The following VPS13B variants were observed in gnomAD, a reference collection of about 807,000 sequenced individuals.
The protein encoded by VPS13B is vacuolar protein sorting 13 homolog B, also known as intermembrane lipid transfer protein VPS13B.
A neutral mutation model predicts 426.4 loss-of-function variants in VPS13B; 285 were observed. That is an observed-to-expected ratio of 0.67 (90% confidence interval 0.61 to 0.74). The LOEUF (loss-of-function observed/expected upper bound fraction) is 0.74. Ranked by LOEUF, VPS13B falls within the 30% of genes least tolerant of loss-of-function variation. The pLI is 0.00. For synonymous variants in VPS13B, 1,676 were observed against 1,676.4 expected (o/e 1.00, Z 0.01); for missense variants, 4,537 against 4,782.6 (o/e 0.95, Z 1.51).
intron 21 of VPS13B, chr8:99,429,794 T>C (rs1399038428): frequency 1.3e-5 from 2 of 152,176 alleles, no homozygotes; most frequent in Non-Finnish European, 2.9e-5. Context: ...GCCAGAGAAG[T>C]TCTTTCAAAA....
intron 2 of VPS13B, among the ~76,000 whole-genome samples, chr8:99,027,247 G>A (rs1842186648): frequency 6.6e-6 from 1 of 151,576 alleles, no homozygotes; most frequent in Non-Finnish European, 1.5e-5. Context: ...TTTAATTTGG[G>A]GTTTTTATTT....
At chr8:99,423,744 G>A (rs1420337010) in intron 21 of VPS13B, among the ~76,000 whole-genome samples, 1 of 152,088 alleles carries the variant, frequency 6.6e-6, no homozygotes, top group Admixed American at 6.6e-5. Context: ...TGAAAAGTAT[G>A]TCTGGTTTGA....
chr8:99,683,561 C>T (rs765921439), intron 35 of VPS13B, among the ~76,000 whole-genome samples: 2 of 152,082 alleles, frequency 1.3e-5, no homozygotes, highest in Non-Finnish European at 2.9e-5. Flanking sequence ...GCATACAGAT[C>T]CTATGACCAT....
At chr8:99,536,683 C>T in intron 30 of VPS13B, 1 of 534,544 alleles carries the variant, frequency 1.9e-6, no homozygotes. Context: ...TGAAAAGAAT[C>T]CCTGTCCCAT....
At position 99,351,503 on chromosome 8, in the gene VPS13B, C is replaced by T. The variant is rs758164284; in HGVS notation, c.2825-32705C>T. Among the ~76,000 whole-genome samples, 5 of 150,314 alleles carry T rather than the reference C, an allele frequency of 3.3e-5. No homozygotes were observed. The East Asian group carries it at 7.8e-4, about 23-fold the overall frequency. On this transcript the variant is annotated intron_variant, in intron 19 of 61. Coordinates refer to ENST00000357162, the MANE Select transcript of VPS13B (RefSeq NM_152564.5). ...GTTTATTTTCATTTCTTGGTATCTT[C>T]GAATGTGTTCACCTTTCTTTCTGGA...
chr8:99,635,282 A>T (rs1223843535), intron 33 of VPS13B, among the ~76,000 whole-genome samples: 1 of 152,012 alleles, frequency 6.6e-6, no homozygotes, highest in Non-Finnish European at 1.5e-5. Flanking sequence ...GATCACAGTT[A>T]TATATAGATG....
intron 51 of VPS13B, among the ~76,000 whole-genome samples, chr8:99,828,106 C>T (rs1285741009): frequency 6.6e-6 from 1 of 152,144 alleles, no homozygotes; most frequent in Non-Finnish European, 1.5e-5. Context: ...TGGTCCAGAG[C>T]TGAGTTTAAG....
intron 39 of VPS13B, among the ~76,000 whole-genome samples, chr8:99,753,963 G>A (rs1172045097): frequency 6.6e-6 from 1 of 151,884 alleles, no homozygotes; most frequent in Non-Finnish European, 1.5e-5. Context: ...AATATTTCCT[G>A]TACAAAAATA....
rs138161484 is a variant in VPS13B at position 99,675,566 on chromosome 8, C to T, written c.6046+14075C>T. Among the ~76,000 whole-genome samples the T allele has an allele frequency of 3.3e-5, 5 of 152,238 alleles. No individual in the cohort carries two copies. The East Asian group carries it at 9.7e-4, about 29-fold the overall frequency. ...ACCCCTTTATCTATCTCTATTCTCT[C>T]TTGAATACCAGTGACCAAGAATTTA... On this transcript the variant is annotated intron_variant, in intron 35 of 61. Transcript: ENST00000357162.
rs150254716 is a variant in VPS13B, at chr8:99,062,055, G to A, written c.291+23489G>A. 6.3e-3 allele frequency among the ~76,000 whole-genome samples: 960 copies of A among 152,290 alleles called. 7 individuals are homozygous for A. Among genetic ancestry groups the A allele is most frequent in the African/African-American group, 0.022 (901 of 41,552 alleles). ...TTAAGTCGAAGCTCATGTCTCAACA[G>A]TATACTGTTCAGCCCTCCTGGGATA... On this transcript the variant is annotated intron_variant, in intron 3 of 61. Coordinates refer to ENST00000357162, the MANE Select transcript of VPS13B (RefSeq NM_152564.5).
chr8:99,466,540 A>G (rs900888566), intron 23 of VPS13B, among the ~76,000 whole-genome samples: 3 of 152,148 alleles, frequency 2.0e-5, no homozygotes, highest in African/African-American at 7.2e-5. Context: ...TTTACAAGAA[A>G]TAAATGGCTT....
intron 28 of VPS13B, chr8:99,507,929 A>G: frequency 3.7e-6 from 6 of 1,613,966 alleles, no homozygotes; most frequent in Non-Finnish European, 5.1e-6. Context: ...ATTACTTTAA[A>G]TTATGCTACA....
intron 17 of VPS13B, 100 bp from the exon 18 acceptor site, chr8:99,274,098 T>C (rs1818761832): frequency 1.4e-6 from 2 of 1,480,362 alleles, no homozygotes; most frequent in Admixed American, 1.7e-5. Flanking sequence ...ACATCTGAGG[T>C]AGACAGTTAG....
At chr8:99,812,074 A>G (rs1003230476) in intron 44 of VPS13B, among the ~76,000 whole-genome samples, 2 of 152,200 alleles carry the variant, frequency 1.3e-5, no homozygotes, top group Non-Finnish European at 2.9e-5. Context: ...CACAAATATT[A>G]CACATCGCAA....
intron 48 of VPS13B, 24 bp downstream of exon 48, chr8:99,819,606 T>C (rs1166637388): frequency 4.3e-6 from 7 of 1,610,320 alleles, no homozygotes; most frequent in Non-Finnish European, 5.1e-6. Flanking sequence ...GTGATCTTTT[T>C]CTACAAAAAT....
chr8:99,861,673 G>A (rs916516780), intron 57 of VPS13B, 103 bp from the exon 58 acceptor site: 1 of 1,460,328 alleles, frequency 6.8e-7, no homozygotes, highest in Non-Finnish European at 9.4e-7. Context: ...CACTGGGCAT[G>A]TCCAGGAGGG....
intron 35 of VPS13B, chr8:99,697,170 G>T (rs928403096): frequency 2.4e-5 from 13 of 547,156 alleles, no homozygotes; most frequent in Non-Finnish European, 4.4e-5. Context: ...GGCAAAGGAA[G>T]AGCAGGTGAA....
intron 40 of VPS13B, among the ~76,000 whole-genome samples, chr8:99,772,266 T>C (rs1490529761): frequency 1.3e-5 from 2 of 152,162 alleles, no homozygotes; most frequent in Non-Finnish European, 2.9e-5. Context: ...TCATTTAAGG[T>C]TATTTTTCAA....
chr8:99,144,642 C>T (rs1810608265), intron 13 of VPS13B, among the ~76,000 whole-genome samples: 1 of 152,184 alleles, frequency 6.6e-6, no homozygotes, highest in African/African-American at 2.4e-5. Flanking sequence ...CATAAAAGCA[C>T]TTAACCCAGT....
Sources: allele counts gnomAD v4.1 joint callset (sites outside exome capture counted in the v4.1 genomes callset), GRCh38; gene constraint gnomAD v4.1.1; transcripts MANE v1.5; gene names NCBI Gene and HGNC (gene_info 2026-07-23, HGNC 2026-07-21).